Variants in PCDHAC2 observed in about 807,000 individuals in gnomAD.
PCDHAC2 encodes protocadherin alpha subfamily C, 2, also known as protocadherin alpha-C2.
Under a neutral mutation model 63.3 loss-of-function variants are expected in PCDHAC2, and 24 were observed. That is an observed-to-expected ratio of 0.38 (90% CI 0.27 to 0.53). The LOEUF is 0.53. Among genes scored for constraint, PCDHAC2 ranks in the 20% least tolerant of loss-of-function variants. The probability of loss-of-function intolerance (pLI) is 0.81; values close to 1 mark genes in which losing one functional copy is unlikely to be tolerated. For missense variants in PCDHAC2, 1,181 were observed against 1,275.2 expected, an observed-to-expected ratio of 0.93 and a Z score of 1.12; for synonymous variants, 569 against 529.4, an observed-to-expected ratio of 1.07 and a Z score of -1.03.
chr5:140,998,433 C>CTA (rs2097813622), intron 3 of PCDHAC2, among the ~76,000 whole-genome samples: 2 of 152,160 alleles, frequency 1.3e-5, no homozygotes, highest in Admixed American at 1.3e-4. Flanking sequence ...TCCTTTAACA[C>CTA]TATTATTGTA....
intron 3 of PCDHAC2, among the ~76,000 whole-genome samples, chr5:141,004,049 A>T (rs1372116883): frequency 6.6e-6 from 1 of 152,208 alleles, no homozygotes; most frequent in African/African-American, 2.4e-5. Flanking sequence ...TCATTTGCTG[A>T]TACTGGCCCC....
chr5:140,967,725 T>C lies in PCDHAC2; in HGVS notation c.959T>C (p.Ile320Thr), dbSNP rs782758957. 16 of 1,613,798 alleles carry C rather than the reference T, an allele frequency of 9.9e-6. No individual in the cohort carries two copies. The East Asian group carries it at 2.0e-4, about 20-fold the overall frequency. The change falls in exon 1 of 4, where the codon ATT becomes ACT. Residue 320 changes from isoleucine (I) to threonine (T), a missense_variant. Physicochemically the swap from Ile to Thr is moderately conservative, Grantham distance 89. Transcript: ENST00000289269. ...IDASTGEVRVIGGLDYEEASS... is the reference protein window; with the variant it reads ...IDASTGEVRVTGGLDYEEASS... ...GCCAGTACCGGGGAAGTGCGAGTAA[T>C]TGGGGGGCTGGATTATGAGGAAGCC...
At chr5:140,985,999 A>G (rs932659753) in intron 3 of PCDHAC2, among the ~76,000 whole-genome samples, 10 of 152,104 alleles carry the variant, frequency 6.6e-5, no homozygotes, top group Non-Finnish European at 1.5e-4. Flanking sequence ...TCAGCCTCCC[A>G]AAGTGCTGGG....
At chr5:140,969,766 C>A (rs1384743731) in intron 1 of PCDHAC2, among the ~76,000 whole-genome samples, 2 of 152,130 alleles carry the variant, frequency 1.3e-5, no homozygotes, top group Non-Finnish European at 1.5e-5. Context: ...AGCTCTGAGG[C>A]CTCTAGGGGC....
At chr5:140,990,708 T>G (rs1201090744) in intron 3 of PCDHAC2, among the ~76,000 whole-genome samples, 3 of 152,190 alleles carry the variant, frequency 2.0e-5, no homozygotes, top group African/African-American at 7.2e-5. Context: ...TTTATGGGGA[T>G]AAGAGCATCA....
intron 3 of PCDHAC2, among the ~76,000 whole-genome samples, chr5:141,000,413 A>AT (rs2097920175): frequency 1.1e-5 from 1 of 93,256 alleles, no homozygotes; most frequent in African/African-American, 4.5e-5. Context: ...ATATATATAT[A>AT]TATATATATT....
chr5:140,972,130 TTAC>T (rs1424151392), intron 1 of PCDHAC2, among the ~76,000 whole-genome samples: 1 of 152,022 alleles, frequency 6.6e-6, no homozygotes, highest in Non-Finnish European at 1.5e-5. Flanking sequence ...TATCAGTGAG[TTAC>T]TACTATTTTT....
chr5:140,997,781 C>T (rs1207024588), intron 3 of PCDHAC2, among the ~76,000 whole-genome samples: 3 of 151,626 alleles, frequency 2.0e-5, no homozygotes, highest in African/African-American at 7.3e-5. Flanking sequence ...TGTTGTATAC[C>T]TATATTATAA....
intron 3 of PCDHAC2, among the ~76,000 whole-genome samples, chr5:140,993,762 A>G (rs1019928055): frequency 2.6e-5 from 4 of 152,204 alleles, no homozygotes; most frequent in Non-Finnish European, 4.4e-5. Flanking sequence ...TTATATTACA[A>G]TTGCGCAGTA....
Position 140,982,555 on chromosome 5 carries a change from C to T in PCDHAC2, c.2705C>T (p.Ala902Val). The change falls in exon 3 of 4, where the codon GCA becomes GTA. Residue 902 changes from alanine (A) to valine (V), a missense_variant. Around this residue, in one of 3 missense-constraint regions of PCDHAC2, gnomAD observed 968 missense variants for 1,073.5 expected, o/e 0.90. Transcript: ENST00000289269. Reference sequence around the variant, plus strand: ...CAGCAGTGGCCAACAGTATCCAGTGCAACACCAGGTAAAGAGCTGGGGTCT... The same window carrying T: ...CAGCAGTGGCCAACAGTATCCAGTGTAACACCAGGTAAAGAGCTGGGGTCT... Reference protein sequence around the residue: ...PDQQWPTVSSATPEPEAGEVS... With the variant: ...PDQQWPTVSSVTPEPEAGEVS... The T allele has an allele frequency of 6.2e-7, 1 of 1,614,108 alleles. No homozygotes were observed. The highest frequency in any genetic ancestry group is 8.5e-7 in the Non-Finnish European group (1 of 1,179,990).
chr5:140,988,524 T>C (rs1338675660), intron 3 of PCDHAC2, among the ~76,000 whole-genome samples: 2 of 152,212 alleles, frequency 1.3e-5, no homozygotes, highest in East Asian at 3.8e-4. Context: ...AAGTCTCTGC[T>C]GGCTCCATCC....
intron 3 of PCDHAC2, among the ~76,000 whole-genome samples, chr5:141,000,500 T>A (rs1440390927): frequency 5.7e-5 from 8 of 140,516 alleles, no homozygotes; most frequent in Non-Finnish European, 1.2e-4. Context: ...AGATCTCGGC[T>A]CACTGCAACC....
chr5:141,011,822 A>G lies in PCDHAC2; in HGVS notation c.*1885A>G, dbSNP rs181852141. 7 of 153,844 alleles carry G rather than the reference A, an allele frequency of 4.6e-5. No homozygotes were observed. The highest frequency in any genetic ancestry group is 1.4e-4 in the African/African-American group (6 of 41,546). The allele number at this position is 153,844 out of a possible 1,614,324, so 9.5% of individuals were successfully genotyped here. A position where few individuals can be genotyped will look rare whatever the true frequency, so the allele number is the denominator to read the frequency against. On this transcript the variant is annotated 3_prime_UTR_variant, in exon 4 of 4. Transcript: ENST00000289269. ...ATATCAGCTCATAGAAAGTAACAAA[A>G]TTTGCTGTCACCTTAAATAAGACAT...
rs1406839046 is a variant in PCDHAC2, at chr5:140,967,806, G to A, written c.1040G>A (p.Gly347Asp). 13 of 1,614,180 alleles carry A rather than the reference G, an allele frequency of 8.1e-6. No homozygotes were observed. Among genetic ancestry groups the A allele is most frequent in the Non-Finnish European group, 1.1e-5 (13 of 1,180,020 alleles). The change falls in exon 1 of 4, where the codon GGT becomes GAT. Residue 347 changes from glycine (G) to aspartate (D), a missense_variant. Physicochemically the swap from Gly to Asp is moderately conservative, Grantham distance 94 (BLOSUM62 -1). Transcript: ENST00000289269. The part of the protein sequence containing the change: ...ATDRGPVPMA[G>D]HCKVLVDIVD... ...GACCGGGGTCCAGTGCCCATGGCAG[G>A]TCACTGCAAGGTGCTGGTGGACATC...
In PCDHAC2 at chr5:140,993,460, TCTCACACA is replaced by T. The variant is rs782648313; in HGVS notation, c.2713+10899_2713+10906del. Among the ~76,000 whole-genome samples, 169 of 104,562 alleles carry T rather than the reference TCTCACACA, an allele frequency of 1.6e-3. 1 individual carries two copies. Among genetic ancestry groups the T allele is most frequent in the East Asian group, 0.012 (43 of 3,448 alleles). 68.6% of individuals were successfully genotyped at this position (104,562 alleles called of 152,430 possible). On this transcript the variant is annotated intron_variant, in intron 3 of 3. Coordinates refer to ENST00000289269, the MANE Select transcript of PCDHAC2 (RefSeq NM_018899.6). ...TTCATTCCTGTTCTCCTTCTTTCTT[TCTCACACA>T]CACACACACACACACACACACACAC...
rs2098417470 is a variant in PCDHAC2, at chr5:141,010,504, A to G, written c.*567A>G. On this transcript the variant is annotated 3_prime_UTR_variant, in exon 4 of 4. Coordinates refer to ENST00000289269, the MANE Select transcript of PCDHAC2 (RefSeq NM_018899.6). ...AACTTAAAGGGACCAGACTTTCTAA[A>G]TCTTACAACTCAAGAGGTGGCAGCC... 3.6e-6 allele frequency: 2 copies of G among 549,616 alleles called. No homozygotes were observed. The allele number at this position is 549,616 out of a possible 1,614,324, so 34.0% of individuals were successfully genotyped here.
rs1351145867 is a variant in PCDHAC2, at chr5:141,012,314, G to T, written c.*2377G>T. On this transcript the variant is annotated 3_prime_UTR_variant, in exon 4 of 4. Coordinates refer to ENST00000289269, the MANE Select transcript of PCDHAC2 (RefSeq NM_018899.6). ...AATTGGTGCTATTGGTATTTCCTCTGTTATTGCTAATAAATGAAAATGGTG... is the reference window on the plus strand; with the variant it reads ...AATTGGTGCTATTGGTATTTCCTCTTTTATTGCTAATAAATGAAAATGGTG... The T allele has an allele frequency of 6.5e-6, 1 of 153,728 alleles. No individual in the cohort carries two copies. The highest frequency in any genetic ancestry group is 2.4e-5 in the African/African-American group (1 of 41,440). 9.5% of individuals were successfully genotyped at this position (153,728 alleles called of 1,614,324 possible). A position where few individuals can be genotyped will look rare whatever the true frequency, so the allele number is the denominator to read the frequency against.
rs2098417240 is a variant in PCDHAC2 at position 141,010,418 on chromosome 5, G to A, written c.*481G>A. Reference sequence around the variant, plus strand: ...AGCCAGCTTAGACTAATTGGTACAAGGAAGGCAAGAAAACAAAGACAAATA... The same window carrying A: ...AGCCAGCTTAGACTAATTGGTACAAAGAAGGCAAGAAAACAAAGACAAATA... On this transcript the variant is annotated 3_prime_UTR_variant, in exon 4 of 4. Coordinates refer to ENST00000289269, the MANE Select transcript of PCDHAC2 (RefSeq NM_018899.6). The A allele has an allele frequency of 3.4e-6, 4 of 1,168,142 alleles. No homozygotes were observed. The East Asian group carries it at 1.0e-4, about 30-fold the overall frequency. The allele number at this position is 1,168,142 out of a possible 1,614,324, so 72.4% of individuals were successfully genotyped here. A position where few individuals can be genotyped will look rare whatever the true frequency, so the allele number is the denominator to read the frequency against.
chr5:141,010,499 T>C lies in PCDHAC2; in HGVS notation c.*562T>C. ...GTGTAAACTTAAAGGGACCAGACTTTCTAAATCTTACAACTCAAGAGGTGG... is the reference window on the plus strand; with the variant it reads ...GTGTAAACTTAAAGGGACCAGACTTCCTAAATCTTACAACTCAAGAGGTGG... On this transcript the variant is annotated 3_prime_UTR_variant, in exon 4 of 4. Coordinates refer to ENST00000289269, the MANE Select transcript of PCDHAC2 (RefSeq NM_018899.6). 1.7e-6 allele frequency: 1 copy of C among 586,170 alleles called. No individual in the cohort carries two copies. Among genetic ancestry groups the C allele is most frequent in the Non-Finnish European group, 2.7e-6 (1 of 372,458 alleles). 36.3% of individuals were successfully genotyped at this position (586,170 alleles called of 1,614,324 possible).
Sources: gnomAD v4.1 joint callset for allele counts (sites outside exome capture counted in the v4.1 genomes callset) on GRCh38, gnomAD v4.1.1 for gene constraint, gnomAD v4.1.1 regional missense constraint, MANE v1.5 for transcripts, NCBI Gene and HGNC (gene_info 2026-07-23, HGNC 2026-07-21) for gene names.